The following ANKRD42 variants were observed in gnomAD, a reference collection of about 807,000 sequenced individuals.
ANKRD42 encodes ankyrin repeat domain-containing protein 42.
A neutral mutation model predicts 51.5 loss-of-function variants in ANKRD42; 43 were observed. That is an observed-to-expected ratio of 0.83 (90% CI 0.65 to 1.08). The LOEUF is 1.08. ANKRD42 is among the 50% of genes least tolerant of loss of function. The pLI, the probability that ANKRD42 is intolerant of heterozygous loss-of-function variation, is 0.00. For synonymous variants in ANKRD42, 203 were observed against 213.0 expected (o/e 0.95, Z 0.41); for missense variants, 608 against 629.3 (o/e 0.97, Z 0.36).
Position 83,198,484 on chromosome 11 carries a change from A to G in ANKRD42, c.64A>G (p.Arg22Gly). 1.9e-6 allele frequency: 3 copies of G among 1,611,472 alleles called. No individual in the cohort carries two copies. The highest frequency in any genetic ancestry group is 2.5e-6 in the Non-Finnish European group (3 of 1,178,610). Residue 22 changes from arginine to glycine, a missense_variant, in exon 2 of 11, where the codon AGG (arginine) becomes GGG (glycine). By Grantham distance (125) the Arg-to-Gly change is moderately radical. Transcript: ENST00000533342. ...GTAATTTGATTTTTCAATAGGTTCC[A>G]GGAAGAAGGTGCATTTTGGCAGCAT... The part of the protein sequence containing the change: ...SSRETANPCS[R>G]KKVHFGSIHD...
chr11:83,228,666 G>A (rs190797445), intron 7 of ANKRD42, among the ~76,000 whole-genome samples: 34 of 152,258 alleles, frequency 2.2e-4, no homozygotes, highest in Admixed American at 2.1e-3. Context: ...CATTGGTTAG[G>A]TTTTTAGCTT....
intron 7 of ANKRD42, among the ~76,000 whole-genome samples, chr11:83,231,173 C>T (rs1863059026): frequency 6.6e-6 from 1 of 152,188 alleles, no homozygotes; most frequent in Non-Finnish European, 1.5e-5. Context: ...TACATTCTCA[C>T]CAACAGTGTA....
At position 83,224,888 on chromosome 11, in the gene ANKRD42, G is replaced by A. The variant is rs1188546138; in HGVS notation, c.620G>A (p.Cys207Tyr). The change falls in exon 6 of 11, where the codon TGT (cysteine) becomes TAT (tyrosine). Residue 207 changes from cysteine (C) to tyrosine (Y), a missense_variant. By Grantham distance (194) the Cys-to-Tyr change is radical. Transcript: ENST00000533342. Reference protein sequence around the residue: ...HLAAMEGHLHCFKFLVSRMSS... With the variant: ...HLAAMEGHLHYFKFLVSRMSS... ...GCAGCCATGGAAGGCCACCTTCACTGTTTCAAATTCCTAGTCAGTAGAATG... is the reference window on the plus strand; with the variant it reads ...GCAGCCATGGAAGGCCACCTTCACTATTTCAAATTCCTAGTCAGTAGAATG... 1.9e-6 allele frequency: 3 copies of A among 1,606,176 alleles called. No homozygotes were observed. The highest frequency in any genetic ancestry group is 1.1e-5 in the South Asian group (1 of 89,780).
intron 5 of ANKRD42, among the ~76,000 whole-genome samples, chr11:83,224,375 A>G (rs1862808989): frequency 6.6e-6 from 1 of 152,176 alleles, no homozygotes; most frequent in Non-Finnish European, 1.5e-5. Context: ...TTCACTTTCT[A>G]AGATAACTTT....
At chr11:83,258,775 T>A (rs1342984382), downstream of ANKRD42, among the ~76,000 whole-genome samples, 1 of 150,966 alleles carries the variant, frequency 6.6e-6, no homozygotes, top group Non-Finnish European at 1.5e-5. Flanking sequence ...AAGTGTTACA[T>A]ATCCAAATTC....
At chr11:83,262,773 T>C (rs1864001148), downstream of ANKRD42, among the ~76,000 whole-genome samples, 1 of 152,232 alleles carries the variant, frequency 6.6e-6, no homozygotes, top group Non-Finnish European at 1.5e-5. Flanking sequence ...TGAAACTTGG[T>C]TAATGATAAG....
chr11:83,233,830 G>A (rs1863150515), intron 7 of ANKRD42, among the ~76,000 whole-genome samples: 1 of 152,140 alleles, frequency 6.6e-6, no homozygotes, highest in Admixed American at 6.5e-5. Context: ...TTACAGGCAT[G>A]TGCCATCATG....
Position 83,198,479 on chromosome 11 carries a change from G to A in ANKRD42, c.59G>A (p.Cys20Tyr). Reference protein sequence around the residue: ...STSSRETANPCSRKKVHFGSI... With the variant: ...STSSRETANPYSRKKVHFGSI... ...TGTAAGTAATTTGATTTTTCAATAG[G>A]TTCCAGGAAGAAGGTGCATTTTGGC... The change falls in exon 2 of 11, where the codon TGT becomes TAT. Residue 20 changes from cysteine to tyrosine, a missense_variant and splice_region_variant. Physicochemically the swap from Cys to Tyr is radical, Grantham distance 194. Transcript: ENST00000533342. 1 of 1,610,288 alleles carries A rather than the reference G, an allele frequency of 6.2e-7. No homozygotes were observed. Among genetic ancestry groups the A allele is most frequent in the Non-Finnish European group, 8.5e-7 (1 of 1,177,976 alleles).
downstream of ANKRD42, among the ~76,000 whole-genome samples, chr11:83,258,666 A>T (rs1045931528): frequency 6.6e-6 from 1 of 151,854 alleles, no homozygotes; most frequent in African/African-American, 2.4e-5. Flanking sequence ...AATGATAGCT[A>T]TTTTTTTTCA....
intron 10 of ANKRD42, among the ~76,000 whole-genome samples, chr11:83,247,286 C>T (rs1328707975): frequency 6.6e-6 from 1 of 151,986 alleles, no homozygotes; most frequent in East Asian, 1.9e-4. Context: ...CCAGGCTGGC[C>T]TCAAATTCCT....
downstream of ANKRD42, among the ~76,000 whole-genome samples, chr11:83,252,588 A>T (rs1863693943): frequency 6.6e-6 from 1 of 152,212 alleles, no homozygotes; most frequent in South Asian, 2.1e-4. Context: ...AAAAGGAAAC[A>T]ATATGAAAGA....
chr11:83,212,904 T>C (rs1360297611), intron 5 of ANKRD42: 3 of 1,206,260 alleles, frequency 2.5e-6, no homozygotes, highest in African/African-American at 3.1e-5. Context: ...ATTTTGTAAG[T>C]TTTTTTTTTT....
Position 83,193,949 on chromosome 11 carries a change from AAT to A in ANKRD42, c.-721_-720del, listed in dbSNP as rs1301064673. The A allele has an allele frequency of 1.8e-5, 8 of 456,022 alleles. No individual in the cohort carries two copies. The highest frequency in any genetic ancestry group is 1.6e-4 in the Admixed American group (7 of 42,524). 28.2% of individuals were successfully genotyped at this position (456,022 alleles called of 1,614,324 possible). The stretch of plus-strand genomic sequence containing the variant: ...AGAGTTAGCGACGACGGGGAAAGAA[AAT>A]GTGAAGAGAGCGACCGCCGCTCCAG... On this transcript the variant is annotated 5_prime_UTR_variant, in exon 1 of 11. The change abolishes an upstream ATG in the 5' untranslated region. Coordinates refer to ENST00000533342, the MANE Select transcript of ANKRD42 (RefSeq NM_001300975.2).
chr11:83,195,408 G>C (rs1861604958), intron 1 of ANKRD42, among the ~76,000 whole-genome samples: 3 of 152,142 alleles, frequency 2.0e-5, no homozygotes, highest in African/African-American at 7.2e-5. Flanking sequence ...ATTCCAGTAG[G>C]GGGTGAGTAT....
At position 83,224,870 on chromosome 11, in the gene ANKRD42, T is replaced by C. The variant is rs1159335649; in HGVS notation, c.602T>C (p.Met201Thr). 7 of 1,601,118 alleles carry C rather than the reference T, an allele frequency of 4.4e-6. No homozygotes were observed. The highest frequency in any genetic ancestry group is 6.0e-6 in the Non-Finnish European group (7 of 1,172,538). The change falls in exon 6 of 11, where the codon ATG becomes ACG. Residue 201 changes from methionine (M) to threonine (T), a missense_variant. Met to Thr is a moderately conservative substitution (Grantham distance 81, BLOSUM62 -1). Coordinates refer to ENST00000533342, the MANE Select transcript of ANKRD42 (RefSeq NM_001300975.2). The stretch of plus-strand genomic sequence containing the variant: ...TTTCCTCTAGTTCACTTAGCAGCCA[T>C]GGAAGGCCACCTTCACTGTTTCAAA... The part of the protein sequence containing the change: ...NGNLPVHLAA[M>T]EGHLHCFKFL...
chr11:83,210,500 A>T, intron 4 of ANKRD42, 81 bp downstream of exon 4: 1 of 1,491,558 alleles, frequency 6.7e-7, no homozygotes, highest in South Asian at 1.3e-5. Flanking sequence ...TCTCTTCCTG[A>T]CTTTTTAGAT....
Position 83,194,114 on chromosome 11 carries a change from C to T in ANKRD42, c.-557C>T, listed in dbSNP as rs1045203316. On this transcript the variant is annotated 5_prime_UTR_variant, in exon 1 of 11. Transcript: ENST00000533342. ...GATAGTGGCCACAGTCACAGCTGCT[C>T]TTGGGAGAGAGTTAGGGGAGACAGC... is the stretch of plus-strand genomic sequence containing the variant. The T allele has an allele frequency of 6.6e-5, 30 of 456,426 alleles. 1 individual carries two copies. The highest frequency in any genetic ancestry group is 6.3e-4 in the Admixed American group (27 of 42,558). 28.3% of individuals were successfully genotyped at this position (456,426 alleles called of 1,614,324 possible).
intron 5 of ANKRD42, among the ~76,000 whole-genome samples, chr11:83,218,161 T>C (rs751529531): frequency 6.6e-6 from 1 of 152,212 alleles, no homozygotes; most frequent in Non-Finnish European, 1.5e-5. Context: ...GGGGTTTTCC[T>C]CTTTCTTACT....
At chr11:83,221,334 A>G (rs1022247902) in intron 5 of ANKRD42, among the ~76,000 whole-genome samples, 1 of 152,158 alleles carries the variant, frequency 6.6e-6, no homozygotes, top group African/African-American at 2.4e-5. Flanking sequence ...TAAAACTGCT[A>G]TTTTGAATTC....
Sources: allele counts gnomAD v4.1 joint callset (sites outside exome capture counted in the v4.1 genomes callset), GRCh38; gene constraint gnomAD v4.1.1; transcripts MANE v1.5; gene names NCBI Gene and HGNC (gene_info 2026-07-23, HGNC 2026-07-21).